The following KCTD8 variants were observed in gnomAD, a reference collection of about 807,000 sequenced individuals.
The protein encoded by KCTD8 is BTB/POZ domain-containing protein KCTD8.
A neutral mutation model predicts 31.5 loss-of-function variants in KCTD8; 27 were observed. The ratio of observed to expected loss-of-function variants is 0.86; its 90% CI spans 0.63 to 1.18. The LOEUF is 1.18. KCTD8 is among the 50% of genes most tolerant of loss of function. The pLI, the probability that KCTD8 is intolerant of heterozygous loss-of-function variation, is 0.00. For missense variants in KCTD8, 658 were observed against 647.7 expected, an observed-to-expected ratio of 1.02 and a Z score of -0.17; for synonymous variants, 290 against 280.0, an observed-to-expected ratio of 1.04 and a Z score of -0.36.
At chr4:44,220,619 C>G (rs1321917286) in intron 1 of KCTD8, among the ~76,000 whole-genome samples, 1 of 152,152 alleles carries the variant, frequency 6.6e-6, no homozygotes, top group Non-Finnish European at 1.5e-5. Flanking sequence ...TATCTTGCCA[C>G]ATTACGTTCT....
At chr4:44,277,253 TAAAAAG>T (rs1560413549) in intron 1 of KCTD8, among the ~76,000 whole-genome samples, 1 of 151,552 alleles carries the variant, frequency 6.6e-6, no homozygotes, top group African/African-American at 2.4e-5. Flanking sequence ...ACAAAACAAA[TAAAAAG>T]AAAAATACCT....
At chr4:44,266,358 C>T (rs1161443328) in intron 1 of KCTD8, among the ~76,000 whole-genome samples, 6 of 152,080 alleles carry the variant, frequency 3.9e-5, no homozygotes, top group African/African-American at 4.8e-5. Flanking sequence ...GATTTTGTCA[C>T]CACCAGGCCT....
chr4:44,440,357 T>C (rs1721785627), intron 1 of KCTD8, among the ~76,000 whole-genome samples: 1 of 152,228 alleles, frequency 6.6e-6, no homozygotes. Context: ...ATTTTACTTA[T>C]TTTCATTTCA....
chr4:44,414,985 A>G (rs1190458879), intron 1 of KCTD8, among the ~76,000 whole-genome samples: 1 of 152,204 alleles, frequency 6.6e-6, no homozygotes, highest in African/African-American at 2.4e-5. Context: ...GGAACTTCTT[A>G]GAGACTTGTT....
At chr4:44,229,401 C>T (rs1715055017) in intron 1 of KCTD8, among the ~76,000 whole-genome samples, 1 of 152,190 alleles carries the variant, frequency 6.6e-6, no homozygotes, top group Non-Finnish European at 1.5e-5. Flanking sequence ...GCAAAAATGG[C>T]AGAGTATGAC....
chr4:44,364,068 G>A (rs935130033), intron 1 of KCTD8, among the ~76,000 whole-genome samples: 3 of 151,810 alleles, frequency 2.0e-5, no homozygotes, highest in Non-Finnish European at 4.4e-5. Context: ...AAGCACTATC[G>A]ATAAAAGAAA....
intron 1 of KCTD8, among the ~76,000 whole-genome samples, chr4:44,255,396 T>A (rs1169119242): frequency 6.6e-6 from 1 of 151,926 alleles, no homozygotes; most frequent in Non-Finnish European, 1.5e-5. Context: ...AACCTGAAGA[T>A]TTTTTCTCTT....
chr4:44,268,971 T>C (rs1716485217), intron 1 of KCTD8, among the ~76,000 whole-genome samples: 2 of 152,084 alleles, frequency 1.3e-5, no homozygotes, highest in South Asian at 2.1e-4. Flanking sequence ...CTGCCCAAGG[T>C]AATTTATAGA....
intron 1 of KCTD8, among the ~76,000 whole-genome samples, chr4:44,244,407 T>C (rs532356814): frequency 3.4e-4 from 52 of 152,126 alleles, no homozygotes; most frequent in Non-Finnish European, 6.6e-4. Context: ...TTGGAAGGTC[T>C]CAGAGGAGAC....
chr4:44,176,123 T>C (rs1308739058), intron 1 of KCTD8, among the ~76,000 whole-genome samples: 2 of 152,210 alleles, frequency 1.3e-5, no homozygotes, highest in African/African-American at 4.8e-5. Flanking sequence ...TTCTAAAACC[T>C]TCATTAAATG....
chr4:44,295,679 A>G (rs537058092), intron 1 of KCTD8, among the ~76,000 whole-genome samples: 1 of 152,236 alleles, frequency 6.6e-6, no homozygotes, highest in East Asian at 1.9e-4. Flanking sequence ...GAAGTTTCTC[A>G]TAGTTCTAGA....
At chr4:44,264,303 T>C (rs988706682) in intron 1 of KCTD8, among the ~76,000 whole-genome samples, 2 of 152,200 alleles carry the variant, frequency 1.3e-5, no homozygotes, top group Non-Finnish European at 2.9e-5. Context: ...TGGGTCAGAA[T>C]TTAGTACTTT....
intron 1 of KCTD8, among the ~76,000 whole-genome samples, chr4:44,222,243 T>C (rs986977018): frequency 6.6e-6 from 1 of 152,106 alleles, no homozygotes; most frequent in Non-Finnish European, 1.5e-5. Context: ...CATCCTGCTA[T>C]CTTTGTTTGC....
intron 1 of KCTD8, among the ~76,000 whole-genome samples, chr4:44,440,987 T>A (rs567753151): frequency 1.3e-5 from 2 of 152,290 alleles, no homozygotes; most frequent in South Asian, 2.1e-4. Flanking sequence ...TTCACTTTTT[T>A]AAAAAAGCAA....
At chr4:44,436,848 G>T (rs1294182848) in intron 1 of KCTD8, among the ~76,000 whole-genome samples, 1 of 151,928 alleles carries the variant, frequency 6.6e-6, no homozygotes, top group African/African-American at 2.4e-5. Flanking sequence ...TTAGCAAAAG[G>T]TACGACTGGT....
rs1476190828 is a variant in KCTD8 at position 44,352,074 on chromosome 4, T to A, written c.961+95489A>T. On this transcript the variant is annotated intron_variant, in intron 1 of 1. Transcript: ENST00000360029. ...CACTACTGTGGACTCAGAAATTCTC[T>A]TCTCATTCCATGTACCCTAAAGCTT... Among the ~76,000 whole-genome samples the A allele has an allele frequency of 2.0e-5, 3 of 152,256 alleles. No individual in the cohort carries two copies. In the East Asian group the frequency reaches 5.8e-4, roughly 29 times the overall value.
At chr4:44,427,720 A>T (rs1721382426) in intron 1 of KCTD8, among the ~76,000 whole-genome samples, 2 of 151,808 alleles carry the variant, frequency 1.3e-5, no homozygotes, top group Non-Finnish European at 2.9e-5. Context: ...GAAACAAAGT[A>T]GAGAGACTCA....
rs1010229691 is a variant in KCTD8 at position 44,448,577 on chromosome 4, G to C, written c.-54C>G. ...GAGAGAGCTGCACTTTCTCGTTCCC[G>C]GAGCCCGCGCCCCAGCCCTCCGCGT... On this transcript the variant is annotated 5_prime_UTR_variant, in exon 1 of 2. Coordinates refer to ENST00000360029, the MANE Select transcript of KCTD8 (RefSeq NM_198353.3). This position sits in a 1 kb window ranked among gnomAD's most constrained non-coding sequence, Gnocchi z 4.1. The C allele has an allele frequency of 5.1e-5, 71 of 1,386,776 alleles. No individual in the cohort carries two copies. The highest frequency in any genetic ancestry group is 2.6e-5 in the Non-Finnish European group (28 of 1,075,010). 85.9% of individuals were successfully genotyped at this position (1,386,776 alleles called of 1,614,324 possible).
intron 1 of KCTD8, among the ~76,000 whole-genome samples, chr4:44,207,420 C>A (rs1027516440): frequency 1.3e-5 from 2 of 152,160 alleles, no homozygotes; most frequent in Admixed American, 6.5e-5. Context: ...TTTCATTTTA[C>A]GTTTCTTGTT....
Sources: gnomAD v4.1 joint callset for allele counts (sites outside exome capture counted in the v4.1 genomes callset) on GRCh38, gnomAD v4.1.1 for gene constraint, Gnocchi (gnomAD v3.1) non-coding constraint, MANE v1.5 for transcripts, NCBI Gene and HGNC (gene_info 2026-07-23, HGNC 2026-07-21) for gene names.